The following RAB2B variants were observed in gnomAD, a reference collection of about 807,000 sequenced individuals.
RAB2B encodes the protein RAB2B, member RAS oncogene family.
In RAB2B, 20 loss-of-function variants were observed where a neutral mutation model predicts 29.8. That is an observed-to-expected ratio of 0.67 (90% CI 0.47 to 0.97). RAB2B has a LOEUF of 0.97. Ranked by LOEUF, RAB2B falls within the 50% of genes least tolerant of loss-of-function variation. The probability of loss-of-function intolerance (pLI) is 0.00; values close to 1 mark genes in which losing one functional copy is unlikely to be tolerated. For missense variants in RAB2B, 218 were observed against 272.0 expected (o/e 0.80, Z 1.40); for synonymous variants, 93 against 91.7 (o/e 1.01, Z -0.08).
At chr14:21,467,784 T>C (rs935478103) in intron 5 of RAB2B, among the ~76,000 whole-genome samples, 14 of 152,156 alleles carry the variant, frequency 9.2e-5, no homozygotes, top group African/African-American at 2.4e-4. Context: ...TTATTCACAA[T>C]AGTCAAAGGA....
At chr14:21,474,050 G>T (rs538195020) in intron 3 of RAB2B, among the ~76,000 whole-genome samples, 1 of 152,132 alleles carries the variant, frequency 6.6e-6, no homozygotes, top group South Asian at 2.1e-4. Flanking sequence ...CATTAGCCAC[G>T]TGTGGTGGTG....
chr14:21,463,795 T>TA (rs755958562), intron 5 of RAB2B, 28 bp from the exon 6 acceptor site: 40 of 1,437,766 alleles, frequency 2.8e-5, no homozygotes, highest in African/African-American at 1.2e-4. Flanking sequence ...AGGAGAAAAT[T>TA]TAAAAAAAAG....
Position 21,459,063 on chromosome 14 carries a change from A to G in RAB2B, c.*2133T>C, listed in dbSNP as rs760919686. ...ATATTTAATAATGAAACAATTCATC[A>G]ACAGCAAAAAGAAAGTAGAAAAATT... On this transcript the variant is annotated 3_prime_UTR_variant, in exon 8 of 8. Coordinates refer to ENST00000397762, the MANE Select transcript of RAB2B (RefSeq NM_032846.4). 7.2e-5 allele frequency: 11 copies of G among 152,792 alleles called. No homozygotes were observed. The highest frequency in any genetic ancestry group is 1.6e-4 in the Non-Finnish European group (11 of 68,046). 9.5% of individuals were successfully genotyped at this position (152,792 alleles called of 1,614,324 possible).
intron 3 of RAB2B, among the ~76,000 whole-genome samples, chr14:21,472,940 C>A (rs1890854672): frequency 6.6e-6 from 1 of 152,124 alleles, no homozygotes; most frequent in African/African-American, 2.4e-5. Context: ...GCCTGTAATC[C>A]CAACACTTTG....
chr14:21,465,719 T>G (rs1890670695), intron 5 of RAB2B, among the ~76,000 whole-genome samples: 3 of 152,214 alleles, frequency 2.0e-5, no homozygotes, highest in Non-Finnish European at 4.4e-5. Flanking sequence ...TTCCATGTAT[T>G]TAGAATAAAA....
At chr14:21,468,001 G>T (rs1367624502) in intron 5 of RAB2B, among the ~76,000 whole-genome samples, 1 of 152,016 alleles carries the variant, frequency 6.6e-6, no homozygotes. Flanking sequence ...GGTACCAGTA[G>T]TAGTCAAATT....
chr14:21,462,846 A>G (rs1890595041), intron 6 of RAB2B, among the ~76,000 whole-genome samples: 1 of 151,820 alleles, frequency 6.6e-6, no homozygotes, highest in South Asian at 2.1e-4. Flanking sequence ...TAAAAAAAAA[A>G]AAAAAAAAAA....
chr14:21,471,841 A>G (rs1305961012), intron 3 of RAB2B, among the ~76,000 whole-genome samples: 1 of 151,416 alleles, frequency 6.6e-6, no homozygotes, highest in African/African-American at 2.4e-5. Context: ...ACACCTGGCT[A>G]ATTTTTTTAT....
chr14:21,475,545 C>T (rs970980993), intron 2 of RAB2B, among the ~76,000 whole-genome samples: 4 of 152,002 alleles, frequency 2.6e-5, no homozygotes, highest in Admixed American at 2.6e-4. Flanking sequence ...ATTCTCCTGC[C>T]TCAGCCTCCC....
intron 4 of RAB2B, 53 bp downstream of exon 4, chr14:21,468,617 G>A: frequency 7.9e-7 from 1 of 1,270,422 alleles, no homozygotes; most frequent in Non-Finnish European, 1.1e-6. Flanking sequence ...AAAAAAAAAA[G>A]CTTTAGAGGA....
chr14:21,462,217 AAAAG>A, intron 7 of RAB2B, 129 bp downstream of exon 7: 1 of 622,914 alleles, frequency 1.6e-6, no homozygotes, highest in Non-Finnish European at 2.5e-6. Context: ...AAAAAAAAAA[AAAAG>A]TGTTGAATTG....
At position 21,468,422 on chromosome 14, in the gene RAB2B, T is replaced by C; in HGVS notation, c.297A>G (p.Ser99=). 2 of 1,613,908 alleles carry C rather than the reference T, an allele frequency of 1.2e-6. No individual in the cohort carries two copies. Among genetic ancestry groups the C allele is most frequent in the Non-Finnish European group, 1.7e-6 (2 of 1,179,976 alleles). Residue 99 remains serine, a synonymous_variant, in exon 5 of 8, where the codon TCA becomes TCG. Transcript: ENST00000397762. ...AGTGCTGCCGGGCATCCTCTAACCA[T>C]GAGGTCAGGTGGTTGAAGGTTTCAC... is the stretch of plus-strand genomic sequence containing the variant. ...TRRETFNHLT[S]WLEDARQHSS... is the part of the protein sequence containing the mutation.
At position 21,462,344 on chromosome 14, in the gene RAB2B, T is replaced by C. The variant is rs765875322; in HGVS notation, c.543+6A>G. The C allele has an allele frequency of 1.2e-6, 2 of 1,612,550 alleles. No individual in the cohort carries two copies. Among genetic ancestry groups the C allele is most frequent in the East Asian group, 2.2e-5 (1 of 44,788 alleles). ...GTTAACTGCCAGCACTTCTACCCTT[T>C]CTTACCTCATTGTGGACATCAAATA... is the stretch of plus-strand genomic sequence containing the variant. On this transcript the variant is annotated splice_donor_region_variant and intron_variant, in intron 7 of 7. Transcript: ENST00000397762.
At chr14:21,466,435 C>T (rs780135532) in intron 5 of RAB2B, among the ~76,000 whole-genome samples, 2 of 152,140 alleles carry the variant, frequency 1.3e-5, no homozygotes, top group African/African-American at 4.8e-5. Context: ...TGCAGTAAGA[C>T]GAGATCATGC....
At chr14:21,469,948 T>G (rs989368374) in intron 3 of RAB2B, among the ~76,000 whole-genome samples, 1 of 141,026 alleles carries the variant, frequency 7.1e-6, no homozygotes, top group Non-Finnish European at 1.5e-5. Context: ...ATTATTCCCT[T>G]TTTTTTTTTC....
At chr14:21,474,509 G>A (rs1045121548) in intron 3 of RAB2B, 13 of 217,476 alleles carry the variant, frequency 6.0e-5, no homozygotes, top group Non-Finnish European at 1.0e-4. Flanking sequence ...CATAGAAAAA[G>A]TCTGAAAGCA....
chr14:21,465,966 T>TA, intron 5 of RAB2B, among the ~76,000 whole-genome samples: 1 of 152,318 alleles, frequency 6.6e-6, no homozygotes, highest in African/African-American at 2.4e-5. Flanking sequence ...GATCCCAGCT[T>TA]AATATCACTC....
rs910106991 is a variant in RAB2B, at chr14:21,476,165, T to A, written c.118+363A>T. 59 of 192,302 alleles carry A rather than the reference T, an allele frequency of 3.1e-4. 1 individual carries two copies. Among genetic ancestry groups the A allele is most frequent in the African/African-American group, 1.3e-3 (55 of 42,946 alleles). 11.9% of individuals were successfully genotyped at this position (192,302 alleles called of 1,614,324 possible). ...ACCAATATAAAAAATGTCCATGTAT[T>A]GGTGTTTACTTTTTAAAAGTAAGGC... On this transcript the variant is annotated intron_variant, in intron 2 of 7. Coordinates refer to ENST00000397762, the MANE Select transcript of RAB2B (RefSeq NM_032846.4).
chr14:21,462,520 T>A, intron 6 of RAB2B, 102 bp from the exon 7 acceptor site: 1 of 1,142,474 alleles, frequency 8.8e-7, no homozygotes. Context: ...TAAGGTGAAT[T>A]AGGAACCATT....
Sources: allele counts gnomAD v4.1 joint callset (sites outside exome capture counted in the v4.1 genomes callset), GRCh38; gene constraint gnomAD v4.1.1; transcripts MANE v1.5; gene names NCBI Gene and HGNC (gene_info 2026-07-23, HGNC 2026-07-21).